Variants in IMMP2L observed in about 807,000 individuals in gnomAD.
IMMP2L encodes the protein inner mitochondrial membrane peptidase subunit 2, also known as mitochondrial inner membrane protease subunit 2.
IMMP2L carries 18 observed loss-of-function variants against 19.3 expected under a neutral mutation model. The ratio of observed to expected loss-of-function variants is 0.93; its 90% CI spans 0.64 to 1.38. The LOEUF (loss-of-function observed/expected upper bound fraction) is 1.38. IMMP2L is among the 40% of genes most tolerant of loss of function. The pLI is 0.00. For synonymous variants in IMMP2L, 76 were observed against 73.0 expected (o/e 1.04, Z -0.21); for missense variants, 233 against 218.2 (o/e 1.07, Z -0.43).
At chr7:111,345,234 T>C (rs1827420815) in intron 3 of IMMP2L, among the ~76,000 whole-genome samples, 2 of 152,108 alleles carry the variant, frequency 1.3e-5, no homozygotes, top group Non-Finnish European at 2.9e-5. Flanking sequence ...TAATTTGAGG[T>C]CAAGTAAAAA....
chr7:111,181,259 T>C (rs2129611070), intron 3 of IMMP2L, among the ~76,000 whole-genome samples: 2 of 152,148 alleles, frequency 1.3e-5, no homozygotes, highest in African/African-American at 2.4e-5. Context: ...AATATCTTCA[T>C]GTGACTTTCT....
chr7:111,041,449 C>G (rs746365813), intron 3 of IMMP2L, among the ~76,000 whole-genome samples: 15 of 151,896 alleles, frequency 9.9e-5, no homozygotes, highest in Admixed American at 4.6e-4. Flanking sequence ...GCAATGATCT[C>G]TTAACTGCCA....
At chr7:111,053,915 A>G (rs1175067853) in intron 3 of IMMP2L, among the ~76,000 whole-genome samples, 1 of 152,206 alleles carries the variant, frequency 6.6e-6, no homozygotes, top group Non-Finnish European at 1.5e-5. Context: ...TTTTAATTCA[A>G]ATTAACCAAG....
intron 3 of IMMP2L, among the ~76,000 whole-genome samples, chr7:111,048,293 T>C (rs1792649500): frequency 7.6e-6 from 1 of 130,802 alleles, no homozygotes; most frequent in Admixed American, 7.3e-5. Flanking sequence ...AAAAAAGAAA[T>C]CTGGCTGCTT....
intron 3 of IMMP2L, among the ~76,000 whole-genome samples, chr7:111,271,174 T>G (rs1219594254): frequency 6.6e-6 from 1 of 152,104 alleles, no homozygotes; most frequent in Non-Finnish European, 1.5e-5. Context: ...TGCTTGGCAC[T>G]TCTCCTTCCT....
chr7:110,897,047 TC>T (rs1189061885), intron 4 of IMMP2L, among the ~76,000 whole-genome samples: 1 of 152,290 alleles, frequency 6.6e-6, no homozygotes, highest in East Asian at 1.9e-4. Flanking sequence ...ACTCCTGGCC[TC>T]AAGTGATCCT....
intron 3 of IMMP2L, among the ~76,000 whole-genome samples, chr7:111,476,251 T>C (rs966693447): frequency 1.4e-4 from 21 of 152,160 alleles, no homozygotes; most frequent in African/African-American, 4.3e-4. Context: ...AGTCTTGCAC[T>C]GAAGAACTGG....
At chr7:110,725,949 C>T (rs1795857887) in intron 5 of IMMP2L, 1 of 152,196 alleles carries the variant, frequency 6.6e-6, no homozygotes, top group African/African-American at 2.4e-5. Flanking sequence ...ATTAACTCAT[C>T]TAATTCTCAC....
intron 5 of IMMP2L, among the ~76,000 whole-genome samples, chr7:110,725,544 T>C (rs908919423): frequency 5.3e-5 from 8 of 152,186 alleles, no homozygotes; most frequent in Non-Finnish European, 1.0e-4. Context: ...CATTTTTAGA[T>C]TTGAAGAGTT....
chr7:111,152,974 A>G (rs1562861311), intron 3 of IMMP2L, among the ~76,000 whole-genome samples: 3 of 152,076 alleles, frequency 2.0e-5, no homozygotes, highest in African/African-American at 7.2e-5. Flanking sequence ...TCAATGTAAT[A>G]TTTTTGTTGA....
At chr7:111,346,114 C>T (rs1279335800) in intron 3 of IMMP2L, among the ~76,000 whole-genome samples, 2 of 152,268 alleles carry the variant, frequency 1.3e-5, no homozygotes, top group African/African-American at 2.4e-5. Context: ...AAGACAAATA[C>T]ACTAAGTCAA....
intron 4 of IMMP2L, among the ~76,000 whole-genome samples, chr7:110,914,332 T>C (rs1813359984): frequency 6.6e-6 from 1 of 152,222 alleles, no homozygotes. Flanking sequence ...TGCTCAACTT[T>C]AATTTTCAGT....
At chr7:110,850,316 T>C (rs1301630295) in intron 5 of IMMP2L, among the ~76,000 whole-genome samples, 1 of 151,974 alleles carries the variant, frequency 6.6e-6, no homozygotes, top group Admixed American at 6.6e-5. Flanking sequence ...GCCATGACAG[T>C]TTACAGATGC....
chr7:111,438,709 G>A (rs1375510657), intron 3 of IMMP2L, among the ~76,000 whole-genome samples: 1 of 151,822 alleles, frequency 6.6e-6, no homozygotes, highest in African/African-American at 2.4e-5. Context: ...CAATGTGAAA[G>A]GAATGTGTAG....
chr7:111,500,494 G>C (rs1373756562), intron 2 of IMMP2L, among the ~76,000 whole-genome samples: 4 of 152,152 alleles, frequency 2.6e-5, no homozygotes, highest in Non-Finnish European at 5.9e-5. Context: ...ATCTGAGAAA[G>C]GGCAGACTGC....
chr7:111,223,644 TA>T (rs2129621179), intron 3 of IMMP2L, among the ~76,000 whole-genome samples: 1 of 152,244 alleles, frequency 6.6e-6, no homozygotes, highest in East Asian at 1.9e-4. Flanking sequence ...GTAACATGCT[TA>T]ATTACCCAGC....
chr7:111,395,264 T>C (rs917148288), intron 3 of IMMP2L, among the ~76,000 whole-genome samples: 1 of 152,326 alleles, frequency 6.6e-6, no homozygotes, highest in South Asian at 2.1e-4. Flanking sequence ...AGTTATATTT[T>C]CTATTTTTTC....
chr7:110,917,644 T>C (rs1416468615), intron 4 of IMMP2L, among the ~76,000 whole-genome samples: 4 of 152,186 alleles, frequency 2.6e-5, no homozygotes, highest in Admixed American at 6.5e-5. Flanking sequence ...TTTGCTTGCA[T>C]GTACATTCTA....
intron 3 of IMMP2L, among the ~76,000 whole-genome samples, chr7:111,133,984 G>C (rs911126781): frequency 4.6e-5 from 7 of 152,050 alleles, no homozygotes; most frequent in African/African-American, 9.6e-5. Flanking sequence ...GCTTTCTACT[G>C]TCTCCCCAAA....
Sources: allele counts gnomAD v4.1 joint callset (sites outside exome capture counted in the v4.1 genomes callset), GRCh38; gene constraint gnomAD v4.1.1; transcripts MANE v1.5; gene names NCBI Gene and HGNC (gene_info 2026-07-23, HGNC 2026-07-21).